The following LRP1 variants were observed in gnomAD, a reference collection of about 807,000 sequenced individuals.
LRP1 encodes prolow-density lipoprotein receptor-related protein 1.
Under a neutral mutation model 541.5 loss-of-function variants are expected in LRP1, and 51 were observed. The ratio of observed to expected loss-of-function variants is 0.09; its 90% CI spans 0.08 to 0.12. The LOEUF (loss-of-function observed/expected upper bound fraction) is 0.12, where lower values mean the gene tolerates loss of function less well. Among genes scored for constraint, LRP1 ranks in the 10% least tolerant of loss-of-function variants. The pLI, the probability that LRP1 is intolerant of heterozygous loss-of-function variation, is 1.00. For synonymous variants in LRP1, 2,219 were observed against 2,470.8 expected (o/e 0.90, Z 3.02); for missense variants, 3,878 against 6,376.2 (o/e 0.61, Z 13.34).
intron 6 of LRP1, chr12:57,148,983 T>G: frequency 1.6e-6 from 1 of 641,672 alleles, no homozygotes; most frequent in Non-Finnish European, 2.8e-6. Flanking sequence ...TTTTTTAGTG[T>G]GTGTGTTTTC....
At position 57,177,278 on chromosome 12, in the gene LRP1, A is replaced by G. The variant is rs764662906; in HGVS notation, c.4196+33A>G. On this transcript the variant is annotated intron_variant, in intron 25 of 88. Coordinates refer to ENST00000243077, the MANE Select transcript of LRP1 (RefSeq NM_002332.3). The surrounding 1 kb of genome is among the most constrained non-coding windows in gnomAD (Gnocchi z 6.8). The stretch of plus-strand genomic sequence containing the variant: ...CCTTGCCCAGCCTTCTCCTGGCCCC[A>G]TGGCCCCCCTGAAGTCCCATTCAGC... 5.0e-6 allele frequency: 8 copies of G among 1,607,464 alleles called. No homozygotes were observed. The highest frequency in any genetic ancestry group is 4.4e-5 in the South Asian group (4 of 90,816).
intron 20 of LRP1, among the ~76,000 whole-genome samples, chr12:57,172,196 G>A (rs2035959308): frequency 6.7e-6 from 1 of 148,240 alleles, no homozygotes; most frequent in Non-Finnish European, 1.5e-5. Context: ...TTTTTGAGAT[G>A]GAGTCTCTCT....
At chr12:57,138,283 T>G (rs1289702950) in intron 1 of LRP1, among the ~76,000 whole-genome samples, 176 bp from the exon 2 acceptor site, 1 of 151,528 alleles carries the variant, frequency 6.6e-6, no homozygotes. Flanking sequence ...AGATACACAG[T>G]GTCTAGGAAC....
rs2036870259 is a variant in LRP1, at chr12:57,209,936, C to T, written c.12439+68C>T. On this transcript the variant is annotated intron_variant, in intron 80 of 88. Coordinates refer to ENST00000243077, the MANE Select transcript of LRP1 (RefSeq NM_002332.3). ...GGGCATTGAGTCTCCAAGCTGTGGC[C>T]CTGGGACCTGGTGGAGAGGGGGTCA... 8.8e-6 allele frequency: 14 copies of T among 1,594,498 alleles called. No homozygotes were observed. In the East Asian group the frequency reaches 2.0e-4, roughly 23 times the overall value.
Position 57,193,316 on chromosome 12 carries a change from C to T in LRP1, c.7684+12C>T. On this transcript the variant is annotated intron_variant, in intron 46 of 88. Coordinates refer to ENST00000243077, the MANE Select transcript of LRP1 (RefSeq NM_002332.3). ...GCCATCCTACTGCAGTAAGGAGCCCCCTGCAGCCCCTGCCTCTTCCAGGCC... is the reference window on the plus strand; with the variant it reads ...GCCATCCTACTGCAGTAAGGAGCCCTCTGCAGCCCCTGCCTCTTCCAGGCC... The T allele has an allele frequency of 6.2e-7, 1 of 1,608,030 alleles. No individual in the cohort carries two copies. The highest frequency in any genetic ancestry group is 8.5e-7 in the Non-Finnish European group (1 of 1,179,888).
At position 57,185,217 on chromosome 12, in the gene LRP1, G is replaced by A. The variant is rs35310996; in HGVS notation, c.6463+12G>A. The A allele has an allele frequency of 2.5e-6, 4 of 1,613,924 alleles. No individual in the cohort carries two copies. The African/African-American group carries it at 4.0e-5, about 16-fold the overall frequency. ...GGACCGGCAGAAAGGTGAGGCTGGG[G>A]CTCTGGGCTGGGGTGGAGAGGTGAG... On this transcript the variant is annotated intron_variant, in intron 40 of 88. Transcript: ENST00000243077. This position sits in a 1 kb window ranked among gnomAD's most constrained non-coding sequence, Gnocchi z 4.9.
In LRP1 at chr12:57,166,951, A is replaced by G; in HGVS notation, c.2819A>G (p.Gln940Arg). 5 of 1,613,226 alleles carry G rather than the reference A, an allele frequency of 3.1e-6. No homozygotes were observed. Among genetic ancestry groups the G allele is most frequent in the Non-Finnish European group, 4.2e-6 (5 of 1,179,230 alleles). ...CCAGCCCGCACCTGCCCCCCCAACC[A>G]GTTCTCCTGTGCCAGTGGCCGCTGC... ...TCSARTCPPN[Q>R]FSCASGRCIP... Residue 940 changes from glutamine to arginine, a missense_variant, in exon 18 of 89, where the codon CAG becomes CGG. Gln to Arg is a conservative substitution (Grantham distance 43, BLOSUM62 1). Coordinates refer to ENST00000243077, the MANE Select transcript of LRP1 (RefSeq NM_002332.3).
chr12:57,129,601 G>T (rs1280722167), intron 1 of LRP1, among the ~76,000 whole-genome samples: 1 of 152,212 alleles, frequency 6.6e-6, no homozygotes, highest in East Asian at 1.9e-4. Context: ...CCGGCTGGAG[G>T]CCTGGGTGCT....
At position 57,211,841 on chromosome 12, in the gene LRP1, G is replaced by C; in HGVS notation, c.13258+27G>C. On this transcript the variant is annotated intron_variant, in intron 86 of 88. Transcript: ENST00000243077. The surrounding 1 kb of genome is among the most constrained non-coding windows in gnomAD (Gnocchi z 4.3). The stretch of plus-strand genomic sequence containing the variant: ...TAGGTGGCAGGGGTTGGGGCAGGCA[G>C]GGCCACCGGGACCTAGAGCAGGGGG... 6.2e-7 allele frequency: 1 copy of C among 1,613,044 alleles called. No homozygotes were observed. Among genetic ancestry groups the C allele is most frequent in the South Asian group, 1.1e-5 (1 of 91,076 alleles).
intron 2 of LRP1, among the ~76,000 whole-genome samples, chr12:57,140,908 A>G (rs1308402081): frequency 1.3e-5 from 2 of 151,802 alleles, no homozygotes; most frequent in East Asian, 1.9e-4. Flanking sequence ...AATTTTTTGC[A>G]TTTTTAGTAG....
intron 6 of LRP1, chr12:57,149,853 G>A (rs1158148375): frequency 1.3e-5 from 9 of 676,456 alleles, no homozygotes; most frequent in East Asian, 8.1e-5. Flanking sequence ...TCCCACCTTC[G>A]AAGTCCTCAG....
In LRP1 at chr12:57,145,434, C is replaced by G. The variant is rs948055550; in HGVS notation, c.785C>G (p.Pro262Arg). 6.2e-7 allele frequency: 1 copy of G among 1,614,026 alleles called. No homozygotes were observed. Among genetic ancestry groups the G allele is most frequent in the African/African-American group, 1.3e-5 (1 of 74,928 alleles). The change falls in exon 6 of 89, where the codon CCT becomes CGT. Residue 262 changes from proline (P) to arginine (R), a missense_variant. Pro to Arg is a moderately radical substitution (Grantham distance 103, BLOSUM62 -2). Transcript: ENST00000243077. Reference protein sequence around the residue: ...AQTQLKCARMPGLKGFVDEHT... With the variant: ...AQTQLKCARMRGLKGFVDEHT... Reference sequence around the variant, plus strand: ...ACGCAGCTCAAGTGTGCCCGCATGCCTGGCCTAAAGGGCTTCGTGGATGAG... The same window carrying G: ...ACGCAGCTCAAGTGTGCCCGCATGCGTGGCCTAAAGGGCTTCGTGGATGAG...
In LRP1 at chr12:57,185,106, C is replaced by T. The variant is rs772793077; in HGVS notation, c.6364C>T (p.Arg2122Cys). The T allele has an allele frequency of 3.1e-6, 5 of 1,614,008 alleles. No homozygotes were observed. Among genetic ancestry groups the T allele is most frequent in the East Asian group, 2.2e-5 (1 of 44,886 alleles). Residue 2122 changes from arginine (R) to cysteine (C), a missense_variant, in exon 40 of 89, where the codon CGC (arginine) becomes TGC (cysteine). Arg to Cys is a radical substitution (Grantham distance 180). This residue lies in a region of LRP1 where 1,100 missense variants were observed against 1,827.4 expected (regional missense o/e 0.60). Transcript: ENST00000243077. The surrounding 1 kb of genome is among the most constrained non-coding windows in gnomAD (Gnocchi z 4.9). Reference protein sequence around the residue: ...DRTHANGSIKRGSKDNATDSV... With the variant: ...DRTHANGSIKCGSKDNATDSV... ...GACTCATGCCAACGGCTCTATCAAGCGCGGGAGCAAAGACAATGCCACAGA... is the reference window on the plus strand; with the variant it reads ...GACTCATGCCAACGGCTCTATCAAGTGCGGGAGCAAAGACAATGCCACAGA...
Position 57,212,235 on chromosome 12 carries a change from G to T in LRP1, c.13468G>T (p.Ala4490Ser). Residue 4490 changes from alanine (A) to serine (S), a missense_variant, in exon 88 of 89, where the codon GCT (alanine) becomes TCT (serine). Ala to Ser is a moderately conservative substitution (Grantham distance 99). This residue lies in a region of LRP1 where 871 missense variants were observed against 1,212.4 expected (regional missense o/e 0.72). Coordinates refer to ENST00000243077, the MANE Select transcript of LRP1 (RefSeq NM_002332.3). This position sits in a 1 kb window ranked among gnomAD's most constrained non-coding sequence, Gnocchi z 5.0. ...TGATGATGTGGGAGGCCTACTGGAC[G>T]CTGACTTTGCCCTGGACCCTGACAA... ...EPDDVGGLLD[A>S]DFALDPDKPT... is the part of the protein sequence containing the mutation. 2 of 1,613,730 alleles carry T rather than the reference G, an allele frequency of 1.2e-6. No individual in the cohort carries two copies. Among genetic ancestry groups the T allele is most frequent in the Non-Finnish European group, 1.7e-6 (2 of 1,179,930 alleles).
At chr12:57,145,789 G>A (rs112343669) in intron 6 of LRP1, among the ~76,000 whole-genome samples, 40 of 152,266 alleles carry the variant, frequency 2.6e-4, no homozygotes, top group Non-Finnish European at 4.9e-4. Context: ...GGGGAGTGTT[G>A]ACTAGACTGC....
chr12:57,200,826 G>GT lies in LRP1; in HGVS notation c.10225+11_10225+12insT. Reference sequence around the variant, plus strand: ...ACGAGGCCAACTGTGGTAAGGCGCTGCCCGCCCACCCTCCCTCCTTCCCCA... The same window carrying GT: ...ACGAGGCCAACTGTGGTAAGGCGCTGTCCCGCCCACCCTCCCTCCTTCCCCA... On this transcript the variant is annotated intron_variant, in intron 64 of 88. Transcript: ENST00000243077. 68 of 1,581,276 alleles carry GT rather than the reference G, an allele frequency of 4.3e-5. No individual in the cohort carries two copies. The highest frequency in any genetic ancestry group is 2.3e-4 in the South Asian group (21 of 89,956).
rs747715315 is a variant in LRP1, at chr12:57,209,154, C to T, written c.12217C>T (p.Arg4073Trp). 5.6e-6 allele frequency: 9 copies of T among 1,613,986 alleles called. No individual in the cohort carries two copies. In the East Asian group the frequency reaches 6.7e-5, roughly 12 times the overall value. Residue 4073 changes from arginine (R) to tryptophan (W), a missense_variant, in exon 79 of 89, where the codon CGG becomes TGG. Coordinates refer to ENST00000243077, the MANE Select transcript of LRP1 (RefSeq NM_002332.3). ...CAAGCTTTCAGTCATCGGCAGCATC[C>T]GGCTCAATGGCACGGACCCCATTGT... ...DAKLSVIGSI[R>W]LNGTDPIVAA...
In LRP1 at chr12:57,179,720, C is replaced by A; in HGVS notation, c.4967-62C>A. ...CCCTTTTCTCCAGAAGGCACACTGGCTCCCCTCCTGACCCACTGCCCTGCA... is the reference window on the plus strand; with the variant it reads ...CCCTTTTCTCCAGAAGGCACACTGGATCCCCTCCTGACCCACTGCCCTGCA... On this transcript the variant is annotated intron_variant, in intron 29 of 88. Coordinates refer to ENST00000243077, the MANE Select transcript of LRP1 (RefSeq NM_002332.3). This position sits in a 1 kb window ranked among gnomAD's most constrained non-coding sequence, Gnocchi z 6.8. 2 of 1,516,906 alleles carry A rather than the reference C, an allele frequency of 1.3e-6. No homozygotes were observed. The highest frequency in any genetic ancestry group is 1.2e-5 in the South Asian group (1 of 85,358). 94.0% of individuals were successfully genotyped at this position (1,516,906 alleles called of 1,614,324 possible).
intron 1 of LRP1, among the ~76,000 whole-genome samples, chr12:57,138,067 T>C (rs546214063): frequency 2.6e-5 from 4 of 152,128 alleles, no homozygotes; most frequent in Admixed American, 2.6e-4. Flanking sequence ...TAGTAGGAGT[T>C]AGAGGAAGAC....
Sources: allele counts gnomAD v4.1 joint callset (sites outside exome capture counted in the v4.1 genomes callset), GRCh38; gene constraint gnomAD v4.1.1; regional missense constraint gnomAD v4.1.1; non-coding constraint Gnocchi (gnomAD v3.1); transcripts MANE v1.5; gene names NCBI Gene and HGNC (gene_info 2026-07-23, HGNC 2026-07-21).